EFHD1: variants seen among roughly 807,000 people sequenced by gnomAD.
EFHD1 encodes EF-hand domain-containing protein D1.
In EFHD1, 10 loss-of-function variants were observed where a neutral mutation model predicts 17.2. That is an observed-to-expected ratio of 0.58 (90% CI 0.36 to 0.99). The LOEUF is 0.99. Among genes scored for constraint, EFHD1 ranks in the 50% least tolerant of loss-of-function variants. EFHD1 has a pLI of 0.01. For missense variants in EFHD1, 310 were observed against 327.5 expected, an observed-to-expected ratio of 0.95 and a Z score of 0.41; for synonymous variants, 153 against 142.0, an observed-to-expected ratio of 1.08 and a Z score of -0.55.
chr2:232,622,617 G>T (rs1404606), intron 1 of EFHD1, among the ~76,000 whole-genome samples: 4 of 144,920 alleles, frequency 2.8e-5, no homozygotes, highest in Non-Finnish European at 6.1e-5. Flanking sequence ...GTAATGAGTG[G>T]GGCAGATTTC....
chr2:232,651,036 A>G (rs1694643770), intron 1 of EFHD1, among the ~76,000 whole-genome samples: 2 of 152,174 alleles, frequency 1.3e-5, no homozygotes, highest in Admixed American at 1.3e-4. Context: ...AAAAGGAAAG[A>G]CGGTGATCAT....
chr2:232,662,883 C>T lies in EFHD1; in HGVS notation c.384C>T (p.His128=), dbSNP rs750626041. ...AGAAGCTGGGGGCCCCCCAGACCCA[C>T]CTGGGCCTGAAGAGCATGATCAAGG... ...MMEKLGAPQT[H]LGLKSMIKEV... The change falls in exon 2 of 4, where the codon CAC becomes CAT. Residue 128 remains histidine (H), a synonymous_variant. Transcript: ENST00000264059. The T allele has an allele frequency of 6.3e-7, 1 of 1,595,964 alleles. No homozygotes were observed.
chr2:232,618,414 G>T (rs915885339), intron 1 of EFHD1, among the ~76,000 whole-genome samples: 1 of 152,064 alleles, frequency 6.6e-6, no homozygotes, highest in Non-Finnish European at 1.5e-5. Context: ...CGTGCTCAAC[G>T]TTATTAGTCA....
intron 1 of EFHD1, among the ~76,000 whole-genome samples, chr2:232,653,593 G>A (rs2106205732): frequency 6.6e-6 from 1 of 152,270 alleles, no homozygotes; most frequent in East Asian, 1.9e-4. Context: ...CCCGGCCTGT[G>A]GTAGCTTTAG....
At chr2:232,672,222 G>A (rs2106217033) in intron 2 of EFHD1, 87 bp from the exon 3 acceptor site, 1 of 1,560,566 alleles carries the variant, frequency 6.4e-7, no homozygotes, top group East Asian at 2.2e-5. Context: ...TAAGTGATTG[G>A]CAGAGTGACT....
At chr2:232,625,543 A>G (rs1694091625) in intron 1 of EFHD1, among the ~76,000 whole-genome samples, 1 of 152,162 alleles carries the variant, frequency 6.6e-6, no homozygotes, top group Non-Finnish European at 1.5e-5. Flanking sequence ...TCTTTGCAAT[A>G]CTGTGTAGAT....
chr2:232,629,047 T>C (rs1167523008), upstream of EFHD1, among the ~76,000 whole-genome samples: 1 of 152,164 alleles, frequency 6.6e-6, no homozygotes, highest in Non-Finnish European at 1.5e-5. Context: ...TCCTGGGACA[T>C]GTGAGGGAGG....
chr2:232,653,630 A>G (rs1186014140), intron 1 of EFHD1, among the ~76,000 whole-genome samples: 2 of 152,162 alleles, frequency 1.3e-5, no homozygotes, highest in Non-Finnish European at 2.9e-5. Context: ...AAATAAAGGG[A>G]ACTTGGCTGA....
chr2:232,652,716 T>G (rs1264020695), intron 1 of EFHD1, among the ~76,000 whole-genome samples: 1 of 152,134 alleles, frequency 6.6e-6, no homozygotes, highest in Non-Finnish European at 1.5e-5. Context: ...TTACTACATG[T>G]TTGGAACCCT....
intron 2 of EFHD1, among the ~76,000 whole-genome samples, chr2:232,669,550 T>G (rs2106215459): frequency 6.6e-6 from 1 of 151,948 alleles, no homozygotes; most frequent in Middle Eastern, 3.4e-3. Flanking sequence ...CTGTAGAAGT[T>G]GCTTAACCTA....
chr2:232,643,296 C>T (rs989429164), intron 1 of EFHD1, among the ~76,000 whole-genome samples: 2 of 152,104 alleles, frequency 1.3e-5, no homozygotes, highest in Non-Finnish European at 2.9e-5. Flanking sequence ...GTTTCCATTC[C>T]CTGAGGGATG....
chr2:232,676,215 T>G (rs968396067), intron 3 of EFHD1, among the ~76,000 whole-genome samples: 3 of 151,860 alleles, frequency 2.0e-5, no homozygotes, highest in African/African-American at 7.3e-5. Context: ...ATTCCCAGAA[T>G]GGCTGTGGTT....
chr2:232,668,756 C>T (rs150946578), intron 2 of EFHD1, among the ~76,000 whole-genome samples: 6,807 of 152,190 alleles, frequency 0.045, 519 homozygotes, highest in African/African-American at 0.16. Context: ...GCCTCAGCCT[C>T]CCGAGTAGCT....
upstream of EFHD1, chr2:232,633,514 G>T (rs1398120238): frequency 7.9e-7 from 1 of 1,264,956 alleles, no homozygotes; most frequent in African/African-American, 1.6e-5. Context: ...GAGCCCTGGC[G>T]CCTCCTTAAA....
At chr2:232,623,975 G>A (rs1694066774) in intron 1 of EFHD1, among the ~76,000 whole-genome samples, 1 of 152,106 alleles carries the variant, frequency 6.6e-6, no homozygotes, top group Non-Finnish European at 1.5e-5. Flanking sequence ...CAGACAGCTG[G>A]GAGGATGGAG....
intron 3 of EFHD1, among the ~76,000 whole-genome samples, chr2:232,678,725 G>A (rs1206213131): frequency 6.6e-6 from 1 of 152,234 alleles, no homozygotes; most frequent in Non-Finnish European, 1.5e-5. Flanking sequence ...GGAGGTTGCA[G>A]TGAGCTGTGA....
rs779671461 is a variant in EFHD1, at chr2:232,672,289, C to T, written c.451-20C>T. On this transcript the variant is annotated intron_variant, in intron 2 of 3. Transcript: ENST00000264059. ...TGTCAGTGAGACTGACTCTGGTTCCCTACTTTCTTTCCCCTGTAGTTCCTG... is the reference window on the plus strand; with the variant it reads ...TGTCAGTGAGACTGACTCTGGTTCCTTACTTTCTTTCCCCTGTAGTTCCTG... The T allele has an allele frequency of 1.2e-6, 2 of 1,614,128 alleles. No homozygotes were observed. The highest frequency in any genetic ancestry group is 1.1e-5 in the South Asian group (1 of 91,062).
At chr2:232,613,777 AATATACACACAC>A (rs1316074435) in intron 1 of EFHD1, among the ~76,000 whole-genome samples, 8 of 149,418 alleles carry the variant, frequency 5.4e-5, no homozygotes, top group Admixed American at 6.7e-5. Flanking sequence ...TACACACACA[AATATACACACAC>A]ATATACACAC....
At chr2:232,640,679 C>T (rs1694413460) in intron 1 of EFHD1, among the ~76,000 whole-genome samples, 1 of 152,114 alleles carries the variant, frequency 6.6e-6, no homozygotes, top group Non-Finnish European at 1.5e-5. Context: ...ATGTCACTCC[C>T]CGAGAAGCCA....
Sources: allele counts gnomAD v4.1 joint callset (sites outside exome capture counted in the v4.1 genomes callset), GRCh38; gene constraint gnomAD v4.1.1; transcripts MANE v1.5; gene names NCBI Gene and HGNC (gene_info 2026-07-23, HGNC 2026-07-21).